Variants in SAE1 observed in about 807,000 individuals in gnomAD.
The protein encoded by SAE1 is SUMO-activating enzyme subunit 1.
Under a neutral mutation model 40.6 loss-of-function variants are expected in SAE1, and 11 were observed. The observed-to-expected ratio is 0.27, with a 90% CI of 0.17 to 0.45. The LOEUF (loss-of-function observed/expected upper bound fraction) is 0.45, where lower values mean the gene tolerates loss of function less well. Among genes scored for constraint, SAE1 ranks in the 20% least tolerant of loss-of-function variants. The pLI is 1.00. For missense variants in SAE1, 373 were observed against 427.3 expected, an observed-to-expected ratio of 0.87 and a Z score of 1.12; for synonymous variants, 155 against 154.3, an observed-to-expected ratio of 1.00 and a Z score of -0.03.
intron 2 of SAE1, among the ~76,000 whole-genome samples, chr19:47,144,893 G>A (rs919507276): frequency 1.3e-5 from 2 of 152,142 alleles, no homozygotes; most frequent in Middle Eastern, 3.2e-3. Context: ...GTGCAATGGC[G>A]CAATCTCCGC....
chr19:47,172,760 T>C (rs927463117), intron 6 of SAE1, among the ~76,000 whole-genome samples: 1 of 148,718 alleles, frequency 6.7e-6, no homozygotes, highest in African/African-American at 2.5e-5. Flanking sequence ...TTGAAAAGTG[T>C]ACACGCCAAA....
Position 47,131,172 on chromosome 19 carries a change from G to A in SAE1, c.98+144G>A, listed in dbSNP as rs577617276. ...CTCTGGGATCGTCTCTCTCTTGGGGGGACTGGAGGAGTTGATTGGGGATGT... is the reference window on the plus strand; with the variant it reads ...CTCTGGGATCGTCTCTCTCTTGGGGAGACTGGAGGAGTTGATTGGGGATGT... On this transcript the variant is annotated intron_variant, in intron 1 of 8. Coordinates refer to ENST00000270225, the MANE Select transcript of SAE1 (RefSeq NM_005500.3). 277 of 1,401,198 alleles carry A rather than the reference G, an allele frequency of 2.0e-4. 2 individuals carry two copies. The African/African-American group carries it at 3.9e-3, about 20-fold the overall frequency. 86.8% of individuals were successfully genotyped at this position (1,401,198 alleles called of 1,614,324 possible). A position where few individuals can be genotyped will look rare whatever the true frequency, so the allele number is the denominator to read the frequency against.
At chr19:47,180,466 A>C (rs924203244) in intron 6 of SAE1, among the ~76,000 whole-genome samples, 1 of 152,236 alleles carries the variant, frequency 6.6e-6, no homozygotes, top group Non-Finnish European at 1.5e-5. Context: ...CAATTGTTTC[A>C]ATCAAGAATC....
chr19:47,175,107 ATTTT>A (rs916783073), intron 6 of SAE1, among the ~76,000 whole-genome samples: 2 of 91,702 alleles, frequency 2.2e-5, no homozygotes, highest in South Asian at 3.8e-4. Flanking sequence ...AGTGGCCTTG[ATTTT>A]TTTTTTTTTT....
chr19:47,158,557 C>A (rs1385930316), intron 5 of SAE1, among the ~76,000 whole-genome samples: 3 of 152,166 alleles, frequency 2.0e-5, no homozygotes, highest in Non-Finnish European at 4.4e-5. Context: ...ATGTGAGGGA[C>A]AAGCTTTCCA....
intron 6 of SAE1, among the ~76,000 whole-genome samples, chr19:47,184,006 CT>C (rs60208381): frequency 2.0e-3 from 310 of 152,246 alleles, no homozygotes; most frequent in African/African-American, 6.8e-3. Flanking sequence ...CATTATTTCC[CT>C]GTGACTTTTA....
intron 1 of SAE1, among the ~76,000 whole-genome samples, chr19:47,139,267 C>G (rs2058202418): frequency 6.6e-6 from 1 of 152,214 alleles, no homozygotes; most frequent in Non-Finnish European, 1.5e-5. Flanking sequence ...TGGTCTCCAT[C>G]TCCTGAACTC....
At chr19:47,159,676 G>C (rs1483160474) in intron 5 of SAE1, among the ~76,000 whole-genome samples, 1 of 151,782 alleles carries the variant, frequency 6.6e-6, no homozygotes, top group African/African-American at 2.4e-5. Flanking sequence ...ACTACACCTG[G>C]CTAATTTTTA....
chr19:47,145,681 A>T (rs1465955202), intron 2 of SAE1, among the ~76,000 whole-genome samples: 1 of 152,144 alleles, frequency 6.6e-6, no homozygotes, highest in Non-Finnish European at 1.5e-5. Context: ...CCCGGGTTCA[A>T]GCACTTCTCC....
intron 6 of SAE1, chr19:47,180,062 T>A (rs1233050430): frequency 2.5e-6 from 1 of 403,208 alleles, no homozygotes; most frequent in Non-Finnish European, 5.0e-6. Flanking sequence ...GTTATCTGGA[T>A]GAACTCATGG....
At chr19:47,140,200 G>A (rs1373849223) in intron 1 of SAE1, among the ~76,000 whole-genome samples, 2 of 151,394 alleles carry the variant, frequency 1.3e-5, no homozygotes, top group East Asian at 1.9e-4. Context: ...TCCACCTCCC[G>A]GGTTCACGCC....
chr19:47,159,190 A>G (rs1167305822), intron 5 of SAE1, among the ~76,000 whole-genome samples: 1 of 152,204 alleles, frequency 6.6e-6, no homozygotes, highest in East Asian at 1.9e-4. Context: ...AGTACTATTA[A>G]TACTCTTTTC....
chr19:47,159,413 TA>T (rs1428812688), intron 5 of SAE1, among the ~76,000 whole-genome samples: 1 of 152,132 alleles, frequency 6.6e-6, no homozygotes, highest in Admixed American at 6.6e-5. Flanking sequence ...TTAAGCTCCA[TA>T]GGGGGAAGGT....
intron 5 of SAE1, among the ~76,000 whole-genome samples, chr19:47,163,035 A>G (rs1345576186): frequency 6.6e-6 from 1 of 152,166 alleles, no homozygotes; most frequent in Non-Finnish European, 1.5e-5. Flanking sequence ...ATAATTCCAA[A>G]TGTGGAAAAT....
intron 7 of SAE1, among the ~76,000 whole-genome samples, chr19:47,201,082 C>A (rs892123645): frequency 2.0e-5 from 3 of 151,138 alleles, no homozygotes; most frequent in Non-Finnish European, 4.4e-5. Context: ...TACTCTGTCA[C>A]CCAAGCTAGA....
chr19:47,209,806 G>A lies in SAE1; in HGVS notation c.*555G>A, dbSNP rs1180780139. On this transcript the variant is annotated 3_prime_UTR_variant, in exon 9 of 9. Transcript: ENST00000270225. ...CATGACAGGCAAATGCATTTCCTCT[G>A]GAGTTTGAGACCCTGACAAACAACA... 6.5e-6 allele frequency: 1 copy of A among 153,072 alleles called. No homozygotes were observed. Among genetic ancestry groups the A allele is most frequent in the African/African-American group, 2.4e-5 (1 of 41,472 alleles). 9.5% of individuals were successfully genotyped at this position (153,072 alleles called of 1,614,324 possible).
chr19:47,199,390 CAAA>C (rs35275499), intron 7 of SAE1, among the ~76,000 whole-genome samples: 9 of 56,310 alleles, frequency 1.6e-4, no homozygotes, highest in Admixed American at 1.3e-3. Context: ...GACTCCTTCT[CAAA>C]AAAAAAAAAA....
In SAE1 at chr19:47,143,508, G is replaced by T. The variant is rs770367842; in HGVS notation, c.113G>T (p.Arg38Leu). 2 of 1,613,954 alleles carry T rather than the reference G, an allele frequency of 1.2e-6. No homozygotes were observed. Among genetic ancestry groups the T allele is most frequent in the South Asian group, 2.2e-5 (2 of 91,064 alleles). ...TTGTCTTACAGGCTGCGGGCCTCTC[G>T]GGTGCTTCTTGTCGGCTTGAAAGGA... ...LEAQKRLRAS[R>L]VLLVGLKGLG... The change falls in exon 2 of 9, where the codon CGG becomes CTG. Residue 38 changes from arginine to leucine, a missense_variant. Around this residue, in one of 3 missense-constraint regions of SAE1, gnomAD observed 351 missense variants for 390.6 expected, o/e 0.90. Transcript: ENST00000270225.
chr19:47,192,809 G>A (rs1246744150), intron 6 of SAE1, among the ~76,000 whole-genome samples: 1 of 152,052 alleles, frequency 6.6e-6, no homozygotes, highest in African/African-American at 2.4e-5. Context: ...CAAAGTGCTG[G>A]GGTTACAGGT....
Sources: gnomAD v4.1 joint callset for allele counts (sites outside exome capture counted in the v4.1 genomes callset) on GRCh38, gnomAD v4.1.1 for gene constraint, gnomAD v4.1.1 regional missense constraint, MANE v1.5 for transcripts, NCBI Gene and HGNC (gene_info 2026-07-23, HGNC 2026-07-21) for gene names.